HS3ST2: variants seen among roughly 807,000 people sequenced by gnomAD.
HS3ST2 encodes heparan sulfate glucosamine 3-O-sulfotransferase 2.
In HS3ST2, 17 loss-of-function variants were observed where a neutral mutation model predicts 26.3. That is an observed-to-expected ratio of 0.65 (90% CI 0.44 to 0.97). The LOEUF is 0.97. Among genes scored for constraint, HS3ST2 ranks in the 50% least tolerant of loss-of-function variants. The pLI is 0.00. For missense variants in HS3ST2, 402 were observed against 501.2 expected (o/e 0.80, Z 1.89); for synonymous variants, 237 against 219.2 (o/e 1.08, Z -0.72).
intron 1 of HS3ST2, among the ~76,000 whole-genome samples, chr16:22,844,666 AGT>A (rs1250791294): frequency 6.6e-6 from 1 of 151,976 alleles, no homozygotes; most frequent in African/African-American, 2.4e-5. Context: ...GATCTGGTTA[AGT>A]GTGTGTAGCA....
rs904272816 is a variant in HS3ST2 at position 22,901,297 on chromosome 16, A to G, written c.486-13647A>G. ...TTAATGCAATAAATATTCACTGGCT[A>G]TGTCCTTTGTACCAGTATTGCCAGG... is the stretch of plus-strand genomic sequence containing the variant. On this transcript the variant is annotated intron_variant, in intron 1 of 1. Coordinates refer to ENST00000261374, the MANE Select transcript of HS3ST2 (RefSeq NM_006043.2). Among the ~76,000 whole-genome samples, 6 of 152,362 alleles carry G rather than the reference A, an allele frequency of 3.9e-5. 1 individual carries two copies. The Middle Eastern group carries it at 0.014, about 345-fold the overall frequency.
intron 1 of HS3ST2, among the ~76,000 whole-genome samples, chr16:22,866,616 C>T (rs760427579): frequency 1.1e-4 from 16 of 151,818 alleles, no homozygotes; most frequent in Non-Finnish European, 1.9e-4. Flanking sequence ...CAAAGGGCAA[C>T]ATGGCAAGAC....
chr16:22,850,854 A>T (rs1429444379), intron 1 of HS3ST2, among the ~76,000 whole-genome samples: 4 of 152,198 alleles, frequency 2.6e-5, no homozygotes, highest in Non-Finnish European at 5.9e-5. Flanking sequence ...AGAATCTCTC[A>T]TACAGCCGCA....
chr16:22,875,969 T>C (rs1901909280), intron 1 of HS3ST2, among the ~76,000 whole-genome samples: 1 of 152,190 alleles, frequency 6.6e-6, no homozygotes, highest in African/African-American at 2.4e-5. Flanking sequence ...CTATACCATA[T>C]AATATGGGTG....
At chr16:22,852,546 C>A (rs1355802129) in intron 1 of HS3ST2, among the ~76,000 whole-genome samples, 4 of 152,180 alleles carry the variant, frequency 2.6e-5, no homozygotes, top group Admixed American at 2.0e-4. Context: ...GAAGGCACCA[C>A]CTTGGACCCC....
chr16:22,832,650 G>A (rs1357029653), intron 1 of HS3ST2, among the ~76,000 whole-genome samples: 2 of 151,914 alleles, frequency 1.3e-5, no homozygotes, highest in Non-Finnish European at 2.9e-5. Context: ...ATACTGGAAG[G>A]CAGCTATGGG....
At chr16:22,871,716 A>G (rs925579078) in intron 1 of HS3ST2, among the ~76,000 whole-genome samples, 6 of 152,196 alleles carry the variant, frequency 3.9e-5, no homozygotes, top group African/African-American at 1.2e-4. Context: ...TGATGAATGA[A>G]TAAACCTGGC....
intron 1 of HS3ST2, among the ~76,000 whole-genome samples, chr16:22,882,875 A>G (rs1042844824): frequency 6.6e-6 from 1 of 151,776 alleles, no homozygotes; most frequent in African/African-American, 2.4e-5. Flanking sequence ...AACTAAAAAC[A>G]CAAAAGTTAG....
In HS3ST2 at chr16:22,814,839, G is replaced by A. The variant is rs1365102020; in HGVS notation, c.229G>A (p.Gly77Arg). 3 of 1,568,802 alleles carry A rather than the reference G, an allele frequency of 1.9e-6. No individual in the cohort carries two copies. Among genetic ancestry groups the A allele is most frequent in the African/African-American group, 2.7e-5 (2 of 73,934 alleles). ...LQKSRPCDPS[G>R]PTPSEPSAPS... ...GAAGTCCCGCCCCTGTGATCCCTCCGGGCCGACGCCCAGCGAGCCCAGCGC... is the reference window on the plus strand; with the variant it reads ...GAAGTCCCGCCCCTGTGATCCCTCCAGGCCGACGCCCAGCGAGCCCAGCGC... Residue 77 changes from glycine to arginine, a missense_variant, in exon 1 of 2, where the codon GGG becomes AGG. By Grantham distance (125) the Gly-to-Arg change is moderately radical. Transcript: ENST00000261374.
chr16:22,913,683 G>A (rs1902454451), intron 1 of HS3ST2, among the ~76,000 whole-genome samples: 1 of 152,118 alleles, frequency 6.6e-6, no homozygotes, highest in African/African-American at 2.4e-5. Flanking sequence ...AAATTTTCAA[G>A]CAGCTTAAAA....
intron 1 of HS3ST2, among the ~76,000 whole-genome samples, chr16:22,847,316 A>AT (rs1236464714): frequency 6.6e-6 from 1 of 152,170 alleles, no homozygotes; most frequent in Non-Finnish European, 1.5e-5. Context: ...ACATGATGTC[A>AT]TTTTTGTGGC....
At position 22,915,660 on chromosome 16, in the gene HS3ST2, C is replaced by A; in HGVS notation, c.*98C>A. On this transcript the variant is annotated 3_prime_UTR_variant, in exon 2 of 2. Coordinates refer to ENST00000261374, the MANE Select transcript of HS3ST2 (RefSeq NM_006043.2). ...GATCTCCCTCCAACAAACCCTGGCTCCAGCCCCCTTTCCCAACTTGAGTTG... is the reference window on the plus strand; with the variant it reads ...GATCTCCCTCCAACAAACCCTGGCTACAGCCCCCTTTCCCAACTTGAGTTG... 7.4e-7 allele frequency: 1 copy of A among 1,352,456 alleles called. No homozygotes were observed. Among genetic ancestry groups the A allele is most frequent in the Non-Finnish European group, 1.0e-6 (1 of 987,428 alleles). The allele number at this position is 1,352,456 out of a possible 1,614,324, so 83.8% of individuals were successfully genotyped here.
At chr16:22,911,596 C>T (rs750793276) in intron 1 of HS3ST2, among the ~76,000 whole-genome samples, 7 of 152,240 alleles carry the variant, frequency 4.6e-5, no homozygotes, top group Non-Finnish European at 8.8e-5. Context: ...TCTCTCCTAG[C>T]TTCCGGTGGC....
chr16:22,869,120 G>A (rs538284312), intron 1 of HS3ST2, among the ~76,000 whole-genome samples: 49 of 151,978 alleles, frequency 3.2e-4, no homozygotes, highest in African/African-American at 1.1e-3. Context: ...GAACAGCCCG[G>A]AAGCCTAGTG....
intron 1 of HS3ST2, among the ~76,000 whole-genome samples, chr16:22,843,719 G>A (rs999547396): frequency 6.6e-6 from 1 of 152,116 alleles, no homozygotes; most frequent in African/African-American, 2.4e-5. Context: ...GTCTGCCTCC[G>A]TGTGTTTAGC....
At chr16:22,841,650 C>G (rs946172216) in intron 1 of HS3ST2, among the ~76,000 whole-genome samples, 3 of 152,192 alleles carry the variant, frequency 2.0e-5, no homozygotes, top group Non-Finnish European at 2.9e-5. Context: ...GTGTTTGTAT[C>G]AACCAAAACC....
intron 1 of HS3ST2, among the ~76,000 whole-genome samples, chr16:22,846,346 G>A (rs1567486347): frequency 6.6e-6 from 1 of 151,838 alleles, no homozygotes; most frequent in Non-Finnish European, 1.5e-5. Flanking sequence ...GTTGGCTGTG[G>A]TCAGTGCTGC....
chr16:22,837,373 C>T (rs570302327), intron 1 of HS3ST2, among the ~76,000 whole-genome samples: 1 of 151,886 alleles, frequency 6.6e-6, no homozygotes, highest in Non-Finnish European at 1.5e-5. Flanking sequence ...GAGTTTTCCA[C>T]CTTGATATTG....
At chr16:22,879,628 G>A (rs1166575329) in intron 1 of HS3ST2, among the ~76,000 whole-genome samples, 1 of 152,190 alleles carries the variant, frequency 6.6e-6, no homozygotes, top group African/African-American at 2.4e-5. Context: ...GGCAAGGGAA[G>A]GAAAGGAGCT....
Sources: allele counts gnomAD v4.1 joint callset (sites outside exome capture counted in the v4.1 genomes callset), GRCh38; gene constraint gnomAD v4.1.1; transcripts MANE v1.5; gene names NCBI Gene and HGNC (gene_info 2026-07-23, HGNC 2026-07-21).